The following DUSP11 variants were observed in gnomAD, a reference collection of about 807,000 sequenced individuals.
DUSP11 encodes dual specificity phosphatase 11, also known as RNA/RNP complex-1-interacting phosphatase.
In DUSP11, 27 loss-of-function variants were observed where a neutral mutation model predicts 41.4. The ratio of observed to expected loss-of-function variants is 0.65; its 90% CI spans 0.48 to 0.90. The LOEUF (loss-of-function observed/expected upper bound fraction) is 0.90. Among genes scored for constraint, DUSP11 ranks in the 40% least tolerant of loss-of-function variants. The pLI is 0.00. For synonymous variants in DUSP11, 188 were observed against 159.3 expected, an observed-to-expected ratio of 1.18 and a Z score of -1.35; for missense variants, 465 against 461.1, an observed-to-expected ratio of 1.01 and a Z score of -0.08.
chr2:73,774,916 T>C (rs765350630), exon 3 of DUSP11: 1 of 1,567,100 alleles, frequency 6.4e-7, no homozygotes, highest in South Asian at 1.2e-5. Flanking sequence ...CACTTACCTC[T>C]GGTTTATAAT....
At chr2:73,776,368 T>C (rs1192958832) in intron 2 of DUSP11, among the ~76,000 whole-genome samples, 2 of 129,386 alleles carry the variant, frequency 1.5e-5, no homozygotes, top group Non-Finnish European at 3.1e-5. Context: ...TGAACCAAGA[T>C]CACACCACTG....
At chr2:73,766,727 C>A (rs1672473298) in intron 7 of DUSP11, 101 bp downstream of exon 7, 3 of 1,365,988 alleles carry the variant, frequency 2.2e-6, no homozygotes, top group East Asian at 2.3e-5. Context: ...CTCCCCCCAA[C>A]AAACAAACAA....
At chr2:73,766,438 T>A (rs774461538) in exon 8 of DUSP11, 10 of 1,611,562 alleles carry the variant, frequency 6.2e-6, no homozygotes, top group Middle Eastern at 3.3e-4. Flanking sequence ...GTTGCAAACT[T>A]TGGGTCTGGG....
chr2:73,770,861 C>T (rs1021812361), intron 4 of DUSP11, among the ~76,000 whole-genome samples: 6 of 152,186 alleles, frequency 3.9e-5, no homozygotes, highest in African/African-American at 7.2e-5. Context: ...CCTGCTCTTA[C>T]CCTCACTCAC....
At chr2:73,779,576 G>C (rs896892569) in intron 1 of DUSP11, 8 of 413,400 alleles carry the variant, frequency 1.9e-5, no homozygotes, top group Admixed American at 1.2e-4. Context: ...GTTCCATTTT[G>C]GGAATTAAGG....
At chr2:73,766,755 C>T (rs1672473909) in intron 7 of DUSP11, 73 bp downstream of exon 7, 25 of 1,391,668 alleles carry the variant, frequency 1.8e-5, no homozygotes, top group Middle Eastern at 1.8e-4. Flanking sequence ...GAAGAATGAA[C>T]ATATGCAACT....
In DUSP11 at chr2:73,780,135, T is replaced by C. The variant is rs1300273596; in HGVS notation, c.-20A>G. On this transcript the variant is annotated 5_prime_UTR_variant, in exon 1 of 9. Coordinates refer to ENST00000272444, the Ensembl canonical transcript of DUSP11. ...GCGCATGTGCCACCGCCGGTCGTGATGGCGTAGCCACGCTGGCTTACTGAG... is the reference window on the plus strand; with the variant it reads ...GCGCATGTGCCACCGCCGGTCGTGACGGCGTAGCCACGCTGGCTTACTGAG... 7 of 1,552,460 alleles carry C rather than the reference T, an allele frequency of 4.5e-6. No homozygotes were observed. In the South Asian group the frequency reaches 7.1e-5, roughly 16 times the overall value.
chr2:73,773,317 G>A (rs1672620675), intron 4 of DUSP11: 2 of 164,372 alleles, frequency 1.2e-5, no homozygotes, highest in African/African-American at 2.4e-5. Flanking sequence ...ACAACGTGCA[G>A]GTTTGTTACA....
chr2:73,767,260 G>GT, intron 5 of DUSP11, 53 bp from the exon 6 acceptor site: 1 of 1,463,634 alleles, frequency 6.8e-7, no homozygotes, highest in Non-Finnish European at 9.4e-7. Flanking sequence ...AAAAAATCAA[G>GT]TTTTTTCAAA....
intron 8 of DUSP11, among the ~76,000 whole-genome samples, chr2:73,766,081 G>A (rs1000957102): frequency 1.1e-4 from 16 of 152,078 alleles, no homozygotes; most frequent in Non-Finnish European, 2.2e-4. Context: ...AGGCTGAGGC[G>A]GGTAGATCAC....
At chr2:73,772,482 A>C (rs972208287) in intron 4 of DUSP11, among the ~76,000 whole-genome samples, 13 of 152,240 alleles carry the variant, frequency 8.5e-5, no homozygotes, top group African/African-American at 2.9e-4. Context: ...CAGTCTATCC[A>C]ACTGACTACA....
chr2:73,763,608 A>C (rs1422663172), intron 8 of DUSP11, among the ~76,000 whole-genome samples: 1 of 152,186 alleles, frequency 6.6e-6, no homozygotes, highest in African/African-American at 2.4e-5. Flanking sequence ...CTGTAATCCC[A>C]GCTACTGGGG....
exon 7 of DUSP11, chr2:73,766,840 C>G (rs1489905047): frequency 6.2e-7 from 1 of 1,612,232 alleles, no homozygotes; most frequent in Non-Finnish European, 8.5e-7. Flanking sequence ...TCTGATAGGA[C>G]CATTCTGAAG....
In DUSP11 at chr2:73,768,617, CTT is replaced by C. The variant is rs1672514985; in HGVS notation, c.635+646_635+647del. The C allele has an allele frequency of 2.1e-5, 21 of 985,388 alleles. No homozygotes were observed. In the South Asian group the frequency reaches 8.9e-4, roughly 42 times the overall value. The allele number at this position is 985,388 out of a possible 1,614,324, so 61.0% of individuals were successfully genotyped here. A position where few individuals can be genotyped will look rare whatever the true frequency, so the allele number is the denominator to read the frequency against. ...GTTTTATAATATCAAAAACTTCTGA[CTT>C]TTGTGTTCATCGGTGTGCAAAGAAC... On this transcript the variant is annotated intron_variant, in intron 5 of 8. Transcript: ENST00000272444.
exon 1 of DUSP11, chr2:73,779,881 G>A: frequency 6.2e-7 from 1 of 1,614,164 alleles, no homozygotes; most frequent in East Asian, 2.2e-5. Flanking sequence ...TACCTTTCGG[G>A]GATGTGGTTT....
At chr2:73,766,368 A>G (rs145236121) in intron 8 of DUSP11, 50 bp downstream of exon 8, 4 of 1,468,106 alleles carry the variant, frequency 2.7e-6, no homozygotes, top group Non-Finnish European at 3.7e-6. Flanking sequence ...CATTAACTAT[A>G]GTATTAATTT....
At chr2:73,765,901 C>T (rs573964520) in intron 8 of DUSP11, among the ~76,000 whole-genome samples, 2 of 152,300 alleles carry the variant, frequency 1.3e-5, no homozygotes, top group East Asian at 3.9e-4. Context: ...ATTTCTAAGT[C>T]CCTTTCCGAA....
exon 9 of DUSP11, chr2:73,762,574 C>G (rs1672384556): frequency 1.0e-6 from 1 of 985,138 alleles, no homozygotes; most frequent in African/African-American, 1.6e-5. Context: ...ATAAAGAAAC[C>G]TGATTAGACC....
intron 4 of DUSP11, 114 bp downstream of exon 4, chr2:73,773,686 C>T (rs1672626900): frequency 1.9e-6 from 2 of 1,053,402 alleles, no homozygotes; most frequent in Non-Finnish European, 2.7e-6. Flanking sequence ...ACATTTTCAT[C>T]ACCTTAGCAT....
Sources: gnomAD v4.1 joint callset for allele counts (sites outside exome capture counted in the v4.1 genomes callset) on GRCh38, gnomAD v4.1.1 for gene constraint, MANE v1.5 for transcripts, NCBI Gene and HGNC (gene_info 2026-07-23, HGNC 2026-07-21) for gene names.